NUP54: variants seen among roughly 807,000 people sequenced by gnomAD.
NUP54 encodes nucleoporin 54.
NUP54 carries 27 observed loss-of-function variants against 66.4 expected under a neutral mutation model. The ratio of observed to expected loss-of-function variants is 0.41; its 90% confidence interval spans 0.30 to 0.56. The LOEUF (loss-of-function observed/expected upper bound fraction) is 0.56. NUP54 is among the 20% of genes least tolerant of loss of function. The probability of loss-of-function intolerance (pLI) is 0.34; values close to 1 mark genes in which losing one functional copy is unlikely to be tolerated. For missense variants in NUP54, 486 were observed against 596.3 expected, an observed-to-expected ratio of 0.82 and a Z score of 1.93; for synonymous variants, 206 against 210.7, an observed-to-expected ratio of 0.98 and a Z score of 0.19.
rs533325625 is a variant in NUP54, at chr4:76,127,704, AAGAC to A, written c.1056+2948_1057-2949del. Among the ~76,000 whole-genome samples the A allele has an allele frequency of 5.6e-3, 859 of 152,308 alleles. 5 individuals are homozygous for A. Among genetic ancestry groups the A allele is most frequent in the African/African-American group, 0.02 (824 of 41,574 alleles). ...GATTTCTCTTCAACTACAGACACCA[AAGAC>A]AGAATTAACAAAGAGATGAGAAACT... On this transcript the variant is annotated intron_variant, in intron 8 of 11. Transcript: ENST00000264883.
chr4:76,118,147 C>G lies in NUP54; in HGVS notation c.1212G>C (p.Gln404His). The change falls in exon 10 of 12, where the codon CAG becomes CAC. Residue 404 changes from glutamine (Q) to histidine (H), a missense_variant. Physicochemically the swap from Gln to His is conservative, Grantham distance 24. Around this residue, in one of 4 missense-constraint regions of NUP54, gnomAD observed 83 missense variants for 128.6 expected, o/e 0.65. Coordinates refer to ENST00000264883, the MANE Select transcript of NUP54 (RefSeq NM_017426.4). ...GAACTCGCAACTGCTCTTCATCAGC[C>G]TGAATGGCATAACCACTCTTCCTTT... Reference protein sequence around the residue: ...EIQRKSGYAIQADEEQLRVQL... With the variant: ...EIQRKSGYAIHADEEQLRVQL... The G allele has an allele frequency of 6.2e-7, 1 of 1,613,566 alleles. No homozygotes were observed. The highest frequency in any genetic ancestry group is 1.1e-5 in the South Asian group (1 of 91,070).
Position 76,139,438 on chromosome 4 carries a change from A to G in NUP54, c.296-3026T>C, listed in dbSNP as rs567856962. Among the ~76,000 whole-genome samples, 63 of 148,718 alleles carry G rather than the reference A, an allele frequency of 4.2e-4. No individual in the cohort carries two copies. In the Middle Eastern group the frequency reaches 0.017, roughly 40 times the overall value. ...CAATTATGAGAGATAAAGTTAAATA[A>G]TATTACAAGGAAGCAGAAGAAAAAT... On this transcript the variant is annotated intron_variant, in intron 3 of 11. Transcript: ENST00000264883.
chr4:76,123,639 A>G (rs532374931), intron 9 of NUP54, among the ~76,000 whole-genome samples: 3 of 152,156 alleles, frequency 2.0e-5, no homozygotes, highest in African/African-American at 7.2e-5. Flanking sequence ...CAGCCTCCCA[A>G]GTAACTGGAA....
rs778141741 is a variant in NUP54, at chr4:76,144,271, T to C, written c.173A>G (p.Asn58Ser). ...ACCAGTACCAAATCCAAAACCTTTG[T>C]TCTGAGTACCACCAAAGAGTCCTTT... ...GTTGLFGGTQ[N>S]KGFGFGTGFG... is the part of the protein sequence containing the mutation. The change falls in exon 3 of 12, where the codon AAC (asparagine) becomes AGC (serine). Residue 58 changes from asparagine to serine, a missense_variant. Asn to Ser is a conservative substitution (Grantham distance 46). Around this residue, in one of 4 missense-constraint regions of NUP54, gnomAD observed 145 missense variants for 137.1 expected, o/e 1.06. Coordinates refer to ENST00000264883, the MANE Select transcript of NUP54 (RefSeq NM_017426.4). 1 of 1,613,886 alleles carries C rather than the reference T, an allele frequency of 6.2e-7. No individual in the cohort carries two copies. The highest frequency in any genetic ancestry group is 8.5e-7 in the Non-Finnish European group (1 of 1,179,998).
At chr4:76,122,122 TATA>T (rs1215765245) in intron 9 of NUP54, among the ~76,000 whole-genome samples, 1 of 152,258 alleles carries the variant, frequency 6.6e-6, no homozygotes, top group Non-Finnish European at 1.5e-5. Context: ...AATGTGTTGC[TATA>T]ATAAGTCATG....
In NUP54 at chr4:76,124,634, A is replaced by T. The variant is rs764772993; in HGVS notation, c.1164+15T>A. 6 of 1,304,062 alleles carry T rather than the reference A, an allele frequency of 4.6e-6. No individual in the cohort carries two copies. The South Asian group carries it at 4.8e-5, about 11-fold the overall frequency. The allele number at this position is 1,304,062 out of a possible 1,614,324, so 80.8% of individuals were successfully genotyped here. On this transcript the variant is annotated intron_variant, in intron 9 of 11. Coordinates refer to ENST00000264883, the MANE Select transcript of NUP54 (RefSeq NM_017426.4). ...TAGTCTTATAAACACTGGGGGGGAA[A>T]ATCCAAATTACTACCTGTAAAGTTC...
rs59098375 is a variant in NUP54, at chr4:76,120,421, CTT to C, written c.1165-2229_1165-2228del. ...CAACCGCATGAGTGTAAAGGGATCT[CTT>C]TTTTTTTTTTTTTTTTTTTTTCCCC... On this transcript the variant is annotated intron_variant, in intron 9 of 11. Transcript: ENST00000264883. Among the ~76,000 whole-genome samples, 776 of 117,764 alleles carry C rather than the reference CTT, an allele frequency of 6.6e-3. 3 individuals are homozygous for C. The highest frequency in any genetic ancestry group is 0.015 in the Middle Eastern group (3 of 206). The allele number at this position is 117,764 out of a possible 152,430, so 77.3% of individuals were successfully genotyped here.
At chr4:76,130,509 G>T (rs80062511) in intron 8 of NUP54, 147 bp downstream of exon 8, 14,780 of 543,412 alleles carry the variant, frequency 0.027, 1,617 homozygotes, top group African/African-American at 0.24. Flanking sequence ...CATAAAGAAG[G>T]TAGTTGTATA....
chr4:76,139,082 TC>T (rs1731154995), intron 3 of NUP54, among the ~76,000 whole-genome samples: 1 of 152,142 alleles, frequency 6.6e-6, no homozygotes. Flanking sequence ...AAACTGTACA[TC>T]AGGGTGATCA....
At chr4:76,136,713 TGG>T (rs1336370891) in intron 3 of NUP54, among the ~76,000 whole-genome samples, 3 of 152,038 alleles carry the variant, frequency 2.0e-5, no homozygotes, top group Non-Finnish European at 2.9e-5. Context: ...TGTTGGCATA[TGG>T]CAAGATGGAA....
chr4:76,147,689 GA>G (rs1229759150), intron 1 of NUP54: 3 of 1,227,322 alleles, frequency 2.4e-6, no homozygotes, highest in Non-Finnish European at 3.2e-6. Flanking sequence ...GGGGGAGAGG[GA>G]AAAAGAAAAG....
intron 9 of NUP54, among the ~76,000 whole-genome samples, chr4:76,121,142 A>G (rs1310572815): frequency 1.3e-5 from 2 of 152,176 alleles, no homozygotes; most frequent in African/African-American, 4.8e-5. Flanking sequence ...ATACAATGCA[A>G]TGGTCTAATT....
intron 3 of NUP54, among the ~76,000 whole-genome samples, chr4:76,137,715 A>AGT (rs1397589015): frequency 6.6e-6 from 1 of 152,188 alleles, no homozygotes; most frequent in East Asian, 1.9e-4. Flanking sequence ...TATGCCCCAA[A>AGT]GTGTGAGATA....
At chr4:76,146,061 C>T (rs764157716) in intron 1 of NUP54, 11 of 437,516 alleles carry the variant, frequency 2.5e-5, no homozygotes, top group Middle Eastern at 3.3e-4. Flanking sequence ...GAATTGGCTA[C>T]GCAATAGAAA....
Position 76,130,709 on chromosome 4 carries a change from G to A in NUP54, c.1003C>T (p.Arg335Ter), listed in dbSNP as rs763061508. The change falls in exon 8 of 12, where the codon CGA (arginine) becomes TGA (stop). Residue 335 changes from arginine to a stop codon, truncating the protein, a stop_gained. Coordinates refer to ENST00000264883, the MANE Select transcript of NUP54 (RefSeq NM_017426.4). LOFTEE classifies it high-confidence loss of function. ...VPMVGFKELL[R>*]RLKVQDQMTK... is the part of the protein sequence containing the mutation. ...ATCTGATCTTGAACCTTCAGTCTTC[G>A]GAGAAGTTCCTTAAAACCCACCATT... 5 of 1,613,566 alleles carry A rather than the reference G, an allele frequency of 3.1e-6. No individual in the cohort carries two copies. The highest frequency in any genetic ancestry group is 2.2e-5 in the South Asian group (2 of 91,044).
At chr4:76,131,424 T>C (rs1368319104) in intron 6 of NUP54, 140 bp from the exon 7 acceptor site, 6 of 515,494 alleles carry the variant, frequency 1.2e-5, no homozygotes, top group Non-Finnish European at 2.0e-5. Context: ...ATGGTAAAAA[T>C]ACAAATTTTT....
chr4:76,139,855 T>A (rs1209608653), intron 3 of NUP54, among the ~76,000 whole-genome samples: 4 of 152,188 alleles, frequency 2.6e-5, no homozygotes, highest in African/African-American at 7.2e-5. Flanking sequence ...AGGGTTCACA[T>A]CACTTCTTTT....
At chr4:76,123,623 G>A (rs948211531) in intron 9 of NUP54, among the ~76,000 whole-genome samples, 4 of 151,654 alleles carry the variant, frequency 2.6e-5, no homozygotes, top group Admixed American at 6.6e-5. Context: ...AGCAATTCTC[G>A]TGCCTCAGCC....
chr4:76,117,652 T>A lies in NUP54; in HGVS notation c.1395+12A>T, dbSNP rs1291522515. ...TCACACTTTAAATAATGCAGCCTCATGCAACACTTACCTGCTTGATTTCTC... is the reference window on the plus strand; with the variant it reads ...TCACACTTTAAATAATGCAGCCTCAAGCAACACTTACCTGCTTGATTTCTC... On this transcript the variant is annotated intron_variant, in intron 11 of 11. Coordinates refer to ENST00000264883, the MANE Select transcript of NUP54 (RefSeq NM_017426.4). 1.9e-6 allele frequency: 3 copies of A among 1,538,626 alleles called. No homozygotes were observed. The highest frequency in any genetic ancestry group is 2.7e-6 in the Non-Finnish European group (3 of 1,112,032).
Sources: gnomAD v4.1 joint callset for allele counts (sites outside exome capture counted in the v4.1 genomes callset) on GRCh38, gnomAD v4.1.1 for gene constraint, gnomAD v4.1.1 regional missense constraint, MANE v1.5 for transcripts, NCBI Gene and HGNC (gene_info 2026-07-23, HGNC 2026-07-21) for gene names.